The following PGBD2 variants were observed in gnomAD, a reference collection of about 807,000 sequenced individuals.
The protein encoded by PGBD2 is piggyBac transposable element-derived protein 2.
PGBD2 carries 6 observed loss-of-function variants against 8.1 expected under a neutral mutation model. The observed-to-expected ratio is 0.74, with a 90% CI of 0.40 to 1.46. The LOEUF is 1.46. Ranked by LOEUF, PGBD2 falls within the 40% of genes most tolerant of loss-of-function variation. The probability of loss-of-function intolerance (pLI) is 0.02; values close to 1 mark genes in which losing one functional copy is unlikely to be tolerated. For missense variants in PGBD2, 802 were observed against 739.0 expected, an observed-to-expected ratio of 1.09 and a Z score of -0.99; for synonymous variants, 318 against 272.2, an observed-to-expected ratio of 1.17 and a Z score of -1.66.
chr1:248,920,857 C>G (rs1662270477), downstream of PGBD2, among the ~76,000 whole-genome samples: 1 of 152,164 alleles, frequency 6.6e-6, no homozygotes. Context: ...GAGATGGTAT[C>G]TCATTGTGGT....
rs1220393995 is a variant in PGBD2, at chr1:248,917,212, C to T, written c.628C>T (p.His210Tyr). ...FWETSPDSHH[H>Y]LVADAIRRDR... ...GGAAACCTCTCCCGATTCACATCAT[C>T]ATCTTGTGGCTGATGCAATTAGAAG... Residue 210 changes from histidine to tyrosine, a missense_variant, in exon 3 of 3, where the codon CAT becomes TAT. Transcript: ENST00000329291. The T allele has an allele frequency of 2.5e-6, 4 of 1,614,132 alleles. No individual in the cohort carries two copies. In the East Asian group the frequency reaches 6.7e-5, roughly 27 times the overall value.
At chr1:248,879,539 C>T in the PGBD2 span, among the ~76,000 whole-genome samples, 3 of 152,100 alleles carry the variant, frequency 2.0e-5, no homozygotes, top group South Asian at 2.1e-4. Flanking sequence ...GGACTACAGG[C>T]GTGTGCCACT....
chr1:248,875,777 A>G, the PGBD2 span, among the ~76,000 whole-genome samples: 1 of 152,206 alleles, frequency 6.6e-6, no homozygotes, highest in African/African-American at 2.4e-5. Context: ...GTTTTCCACA[A>G]TGTTTAAAAC....
upstream of PGBD2, among the ~76,000 whole-genome samples, chr1:248,902,282 A>T (rs1163926636): frequency 6.6e-6 from 1 of 151,988 alleles, no homozygotes; most frequent in Non-Finnish European, 1.5e-5. Flanking sequence ...AAAAAAAAAA[A>T]ACCTATAATG....
chr1:248,913,053 C>T (rs1290425734), intron 1 of PGBD2, among the ~76,000 whole-genome samples: 2 of 152,054 alleles, frequency 1.3e-5, no homozygotes, highest in Admixed American at 6.5e-5. Flanking sequence ...CTGCCCGCCT[C>T]GGCCTCCCAA....
At chr1:248,881,672 T>C in the PGBD2 span, among the ~76,000 whole-genome samples, 11 of 152,240 alleles carry the variant, frequency 7.2e-5, no homozygotes, top group African/African-American at 2.4e-4. Flanking sequence ...AGTTAATCTA[T>C]AGCTCCTGTT....
downstream of PGBD2, among the ~76,000 whole-genome samples, chr1:248,921,650 A>C (rs1440488409): frequency 6.6e-6 from 1 of 152,192 alleles, no homozygotes; most frequent in East Asian, 1.9e-4. Flanking sequence ...AATTTAAAGT[A>C]GTTTTTTACA....
At chr1:248,911,612 C>G (rs1295820180) in intron 1 of PGBD2, among the ~76,000 whole-genome samples, 1 of 146,114 alleles carries the variant, frequency 6.8e-6, no homozygotes, top group Non-Finnish European at 1.5e-5. Flanking sequence ...CATCCTGGCC[C>G]GTTCTCAATG....
chr1:248,913,429 A>C (rs1661981306), intron 1 of PGBD2, among the ~76,000 whole-genome samples: 2 of 152,104 alleles, frequency 1.3e-5, no homozygotes, highest in Admixed American at 6.5e-5. Context: ...TAAACTTCTA[A>C]TTAATATATT....
intron 1 of PGBD2, among the ~76,000 whole-genome samples, chr1:248,911,730 G>T (rs1330363378): frequency 6.6e-6 from 1 of 150,530 alleles, no homozygotes; most frequent in Non-Finnish European, 1.5e-5. Context: ...CGGACGGGGC[G>T]GCTGGCCGGG....
downstream of PGBD2, among the ~76,000 whole-genome samples, chr1:248,921,304 A>T (rs544654942): frequency 2.6e-5 from 4 of 152,066 alleles, no homozygotes; most frequent in South Asian, 8.3e-4. Flanking sequence ...ATCCATCTTG[A>T]GTTGATTTTT....
downstream of PGBD2, among the ~76,000 whole-genome samples, chr1:248,921,222 A>G (rs937350985): frequency 9.8e-5 from 15 of 152,290 alleles, no homozygotes; most frequent in Middle Eastern, 3.4e-3. Flanking sequence ...GCCCATGCCT[A>G]TGTCCTGAAT....
At chr1:248,883,459 T>C in the PGBD2 span, among the ~76,000 whole-genome samples, 1 of 151,994 alleles carries the variant, frequency 6.6e-6, no homozygotes, top group Non-Finnish European at 1.5e-5. Context: ...TGTTTTTTGC[T>C]TGATGATTTG....
At chr1:248,925,818 G>A in the PGBD2 span, among the ~76,000 whole-genome samples, 4 of 152,038 alleles carry the variant, frequency 2.6e-5, no homozygotes, top group Non-Finnish European at 4.4e-5. Flanking sequence ...CATTGCCAGC[G>A]GGGGAGTTCC....
chr1:248,882,268 A>G, the PGBD2 span, among the ~76,000 whole-genome samples: 2 of 152,182 alleles, frequency 1.3e-5, no homozygotes, highest in Non-Finnish European at 1.5e-5. Context: ...TGAGGGATTT[A>G]GGGTCATTTG....
the PGBD2 span, among the ~76,000 whole-genome samples, chr1:248,877,958 A>G: frequency 6.6e-6 from 1 of 152,342 alleles, no homozygotes; most frequent in South Asian, 2.1e-4. Context: ...ACTAAAAGAA[A>G]CAGTGTAGCA....
Position 248,917,101 on chromosome 1 carries a change from A to T in PGBD2, c.517A>T (p.Ser173Cys), listed in dbSNP as rs1662129742. 6.2e-7 allele frequency: 1 copy of T among 1,613,844 alleles called. No individual in the cohort carries two copies. The highest frequency in any genetic ancestry group is 1.3e-5 in the African/African-American group (1 of 74,880). The change falls in exon 3 of 3, where the codon AGT becomes TGT. Residue 173 changes from serine to cysteine, a missense_variant. By Grantham distance (112) the Ser-to-Cys change is moderately radical. Coordinates refer to ENST00000329291, the MANE Select transcript of PGBD2 (RefSeq NM_170725.3). ...RYAWQKNVNL[S>C]LTAQELKCVL... ...TGCTTGGCAGAAAAATGTCAATTTG[A>T]GTCTTACGGCTCAGGAATTGAAGTG...
At chr1:248,915,815 G>A (rs1181157088) in intron 2 of PGBD2, among the ~76,000 whole-genome samples, 1 of 152,198 alleles carries the variant, frequency 6.6e-6, no homozygotes, top group Non-Finnish European at 1.5e-5. Flanking sequence ...TTCAAGTTGG[G>A]AGAGTTTGAG....
the PGBD2 span, among the ~76,000 whole-genome samples, chr1:248,874,390 A>G: frequency 6.6e-6 from 1 of 152,152 alleles, no homozygotes; most frequent in Non-Finnish European, 1.5e-5. Context: ...CTATGACTTG[A>G]CTTCTAAACA....
Sources: allele counts gnomAD v4.1 joint callset (sites outside exome capture counted in the v4.1 genomes callset), GRCh38; gene constraint gnomAD v4.1.1; transcripts MANE v1.5; gene names NCBI Gene and HGNC (gene_info 2026-07-23, HGNC 2026-07-21).